ZBTB20: variants seen among roughly 807,000 people sequenced by gnomAD.
ZBTB20 encodes the protein zinc finger and BTB domain containing 20.
A neutral mutation model predicts 56.9 loss-of-function variants in ZBTB20; 9 were observed. The observed-to-expected ratio is 0.16, with a 90% CI of 0.10 to 0.28. The LOEUF (loss-of-function observed/expected upper bound fraction) is 0.28. ZBTB20 is among the 10% of genes least tolerant of loss of function. The probability of loss-of-function intolerance (pLI) is 1.00; values close to 1 mark genes in which losing one functional copy is unlikely to be tolerated. For missense variants in ZBTB20, 655 were observed against 1,003.0 expected, an observed-to-expected ratio of 0.65 and a Z score of 4.69; for synonymous variants, 417 against 420.7, an observed-to-expected ratio of 0.99 and a Z score of 0.11.
At chr3:114,472,290 T>A (rs2040218347) in intron 7 of ZBTB20, among the ~76,000 whole-genome samples, 2 of 152,182 alleles carry the variant, frequency 1.3e-5, no homozygotes, top group African/African-American at 4.8e-5. Context: ...GTTGGAAACT[T>A]TCAGATTTTC....
At chr3:115,027,273 C>A (rs886478386) in intron 2 of ZBTB20, among the ~76,000 whole-genome samples, 2 of 150,884 alleles carry the variant, frequency 1.3e-5, no homozygotes, top group African/African-American at 4.8e-5. Flanking sequence ...AGCTTAAAGT[C>A]TTTGTTCTTT....
intron 11 of ZBTB20, among the ~76,000 whole-genome samples, chr3:114,342,624 T>C (rs1019836584): frequency 6.6e-6 from 1 of 152,204 alleles, no homozygotes; most frequent in Non-Finnish European, 1.5e-5. Context: ...ACCTGTCTCG[T>C]GAAGGCGTTT....
intron 7 of ZBTB20, among the ~76,000 whole-genome samples, chr3:114,389,887 C>CAAAAAAAA (rs34247337): frequency 1.3e-5 from 1 of 77,600 alleles, no homozygotes. Context: ...GAGTCCATCT[C>CAAAAAAAA]AAAAAAAAAA....
At chr3:114,367,901 G>T (rs1475025930) in intron 10 of ZBTB20, among the ~76,000 whole-genome samples, 3 of 152,210 alleles carry the variant, frequency 2.0e-5, no homozygotes, top group African/African-American at 7.2e-5. Context: ...TTTCCTCGAA[G>T]TGAAGGATGT....
chr3:114,806,570 G>A (rs986732943), intron 4 of ZBTB20, among the ~76,000 whole-genome samples: 3 of 151,848 alleles, frequency 2.0e-5, no homozygotes, highest in Non-Finnish European at 2.9e-5. Flanking sequence ...TTTCTTTAAT[G>A]GGTCTTTTGA....
chr3:114,853,688 G>T (rs1253870784), intron 4 of ZBTB20, among the ~76,000 whole-genome samples: 1 of 152,140 alleles, frequency 6.6e-6, no homozygotes, highest in Non-Finnish European at 1.5e-5. Flanking sequence ...TTAAATAGGA[G>T]ATTTTAAAAA....
chr3:115,042,047 A>C (rs1044051169), intron 2 of ZBTB20, among the ~76,000 whole-genome samples: 1 of 152,148 alleles, frequency 6.6e-6, no homozygotes, highest in Non-Finnish European at 1.5e-5. Context: ...AAGAGCTGTC[A>C]TCGTTTTTGT....
At chr3:114,927,024 GT>G (rs1353632310) in intron 3 of ZBTB20, among the ~76,000 whole-genome samples, 1 of 152,088 alleles carries the variant, frequency 6.6e-6, no homozygotes. Context: ...GGATTATAGT[GT>G]GAAAGGAAAA....
chr3:114,754,576 A>G (rs1399580569), intron 5 of ZBTB20, among the ~76,000 whole-genome samples: 2 of 152,186 alleles, frequency 1.3e-5, no homozygotes, highest in Non-Finnish European at 2.9e-5. Context: ...ATTCATAGTT[A>G]TCCTAGTATG....
chr3:114,553,528 T>C (rs2110214079), intron 6 of ZBTB20, among the ~76,000 whole-genome samples: 1 of 152,102 alleles, frequency 6.6e-6, no homozygotes, highest in Non-Finnish European at 1.5e-5. Flanking sequence ...GAACTATAGC[T>C]TTCCTAACTC....
intron 1 of ZBTB20, among the ~76,000 whole-genome samples, chr3:115,128,010 T>C (rs186258778): frequency 1.7e-4 from 26 of 152,224 alleles, no homozygotes; most frequent in Admixed American, 1.6e-3. Context: ...CAACTAGCAA[T>C]TGGGACAGTG....
At chr3:114,905,293 C>G (rs1327272292) in intron 3 of ZBTB20, among the ~76,000 whole-genome samples, 3 of 151,802 alleles carry the variant, frequency 2.0e-5, no homozygotes, top group African/African-American at 7.3e-5. Flanking sequence ...GAAGTTATGG[C>G]TATTGAAATC....
intron 3 of ZBTB20, among the ~76,000 whole-genome samples, chr3:114,952,886 C>T (rs1576410545): frequency 6.6e-6 from 1 of 151,858 alleles, no homozygotes; most frequent in East Asian, 1.9e-4. Context: ...TACAACATTG[C>T]CACTGATATA....
intron 5 of ZBTB20, among the ~76,000 whole-genome samples, chr3:114,769,297 T>C (rs1204339898): frequency 6.6e-6 from 1 of 151,944 alleles, no homozygotes; most frequent in East Asian, 1.9e-4. Context: ...CAATTCACAA[T>C]TGCAAAATCA....
chr3:114,468,800 A>G lies in ZBTB20; in HGVS notation c.-255+31552T>C, dbSNP rs551958275. Among the ~76,000 whole-genome samples the G allele has an allele frequency of 2.5e-3, 379 of 152,198 alleles. 3 individuals are homozygous for G. The highest frequency in any genetic ancestry group is 8.8e-3 in the African/African-American group (365 of 41,528). On this transcript the variant is annotated intron_variant, in intron 7 of 11. Coordinates refer to ENST00000675478, the MANE Select transcript of ZBTB20 (RefSeq NM_001348800.3). ...AAACTTAATACAACGACCACAAGCA[A>G]TGAAAGAAAAGTCAAATGCCTCAAG...
chr3:114,756,846 G>C (rs944467125), intron 5 of ZBTB20, among the ~76,000 whole-genome samples: 1 of 151,944 alleles, frequency 6.6e-6, no homozygotes, highest in Non-Finnish European at 1.5e-5. Flanking sequence ...GACCACTCTA[G>C]GTGAAATATT....
At chr3:114,854,619 G>GT (rs2075155617) in intron 4 of ZBTB20, among the ~76,000 whole-genome samples, 1 of 152,182 alleles carries the variant, frequency 6.6e-6, no homozygotes, top group Non-Finnish European at 1.5e-5. Flanking sequence ...TCCTGACTGT[G>GT]TTTTTGTGCT....
intron 6 of ZBTB20, among the ~76,000 whole-genome samples, chr3:114,535,745 A>AAAAT (rs1289736804): frequency 1.3e-5 from 2 of 152,212 alleles, no homozygotes; most frequent in East Asian, 3.9e-4. Flanking sequence ...AATCCTCGAT[A>AAAAT]AAATACTGGC....
At chr3:114,931,155 T>C (rs78322651) in intron 3 of ZBTB20, 3,037 of 193,652 alleles carry the variant, frequency 0.016, 69 homozygotes, top group South Asian at 0.069. Flanking sequence ...CGGAGGGTGC[T>C]AACAACTGGG....
Sources: allele counts gnomAD v4.1 joint callset (sites outside exome capture counted in the v4.1 genomes callset), GRCh38; gene constraint gnomAD v4.1.1; transcripts MANE v1.5; gene names NCBI Gene and HGNC (gene_info 2026-07-23, HGNC 2026-07-21).